Variants in KCNH8 observed in about 807,000 individuals in gnomAD.
KCNH8 encodes voltage-gated delayed rectifier potassium channel KCNH8.
In KCNH8, 70 loss-of-function variants were observed where a neutral mutation model predicts 103.6. The ratio of observed to expected loss-of-function variants is 0.68; its 90% confidence interval spans 0.56 to 0.82. KCNH8 has a LOEUF of 0.82. Among genes scored for constraint, KCNH8 ranks in the 40% least tolerant of loss-of-function variants. The probability of loss-of-function intolerance (pLI) is 0.00; values close to 1 mark genes in which losing one functional copy is unlikely to be tolerated. For missense variants in KCNH8, 1,217 were observed against 1,329.9 expected (o/e 0.92, Z 1.32); for synonymous variants, 498 against 489.4 (o/e 1.02, Z -0.23).
chr3:19,281,407 A>G (rs1466473475), intron 3 of KCNH8, 78 bp downstream of exon 3: 1 of 1,368,452 alleles, frequency 7.3e-7, no homozygotes, highest in Non-Finnish European at 1.0e-6. Context: ...TTGGAGAAAA[A>G]CATGCATTTT....
chr3:19,454,555 A>G (rs1439270499), intron 10 of KCNH8, among the ~76,000 whole-genome samples: 1 of 152,154 alleles, frequency 6.6e-6, no homozygotes, highest in African/African-American at 2.4e-5. Flanking sequence ...GGCTAGCAAC[A>G]GTTTTAGGAA....
At chr3:19,447,520 TTAAAA>T (rs1303639214) in intron 8 of KCNH8, among the ~76,000 whole-genome samples, 1 of 152,042 alleles carries the variant, frequency 6.6e-6, no homozygotes, top group African/African-American at 2.4e-5. Context: ...GAAAGCAGTG[TTAAAA>T]TAAATGAAAC....
chr3:19,205,379 G>C (rs2063704720), intron 1 of KCNH8, among the ~76,000 whole-genome samples: 1 of 151,964 alleles, frequency 6.6e-6, no homozygotes, highest in Non-Finnish European at 1.5e-5. Flanking sequence ...AAATATCCTA[G>C]AGTTACTCTT....
intron 7 of KCNH8, among the ~76,000 whole-genome samples, chr3:19,431,814 GTTCT>G (rs1262068845): frequency 6.6e-6 from 1 of 152,038 alleles, no homozygotes; most frequent in Non-Finnish European, 1.5e-5. Flanking sequence ...TTCTCTCATG[GTTCT>G]TTGTTTTTTC....
intron 11 of KCNH8, among the ~76,000 whole-genome samples, chr3:19,492,594 G>A (rs772358103): frequency 6.6e-6 from 1 of 152,150 alleles, no homozygotes; most frequent in Admixed American, 6.5e-5. Flanking sequence ...GTAGTTACAA[G>A]TCAGGTAGTG....
intron 10 of KCNH8, among the ~76,000 whole-genome samples, chr3:19,456,223 T>A (rs1441248478): frequency 2.0e-5 from 3 of 152,052 alleles, no homozygotes; most frequent in Non-Finnish European, 4.4e-5. Context: ...CTAGTTGTAA[T>A]CTAATAATTT....
At chr3:19,252,553 C>T (rs2064292586) in intron 1 of KCNH8, among the ~76,000 whole-genome samples, 1 of 151,948 alleles carries the variant, frequency 6.6e-6, no homozygotes, top group South Asian at 2.1e-4. Context: ...CCATGCCGGG[C>T]TAATTTTTGT....
chr3:19,288,642 TG>T (rs1158790416), intron 3 of KCNH8, among the ~76,000 whole-genome samples: 1 of 152,234 alleles, frequency 6.6e-6, no homozygotes, highest in Non-Finnish European at 1.5e-5. Context: ...GTTGGACATT[TG>T]GGTTGTTTCC....
intron 11 of KCNH8, among the ~76,000 whole-genome samples, chr3:19,474,453 A>G (rs1174137404): frequency 6.6e-6 from 1 of 152,174 alleles, no homozygotes; most frequent in East Asian, 1.9e-4. Flanking sequence ...AGTGGAGGAA[A>G]CAGCAGCCAA....
Position 19,438,398 on chromosome 3 carries a change from C to G in KCNH8, c.1375+37C>G, listed in dbSNP as rs201967639. The G allele has an allele frequency of 2.5e-3, 3,867 of 1,519,976 alleles. 10 individuals carry two copies. Among genetic ancestry groups the G allele is most frequent in the Non-Finnish European group, 3.2e-3 (3,481 of 1,104,984 alleles). The allele number at this position is 1,519,976 out of a possible 1,614,324, so 94.2% of individuals were successfully genotyped here. ...TCTTCTTTTATACTAAGAAGAGGAA[C>G]TATGCCTACCTAACTGTCACTGCCT... is the stretch of plus-strand genomic sequence containing the variant. On this transcript the variant is annotated intron_variant, in intron 8 of 15. Coordinates refer to ENST00000328405, the MANE Select transcript of KCNH8 (RefSeq NM_144633.3).
chr3:19,353,072 T>C (rs886089879), intron 5 of KCNH8, among the ~76,000 whole-genome samples: 1 of 151,960 alleles, frequency 6.6e-6, no homozygotes, highest in Non-Finnish European at 1.5e-5. Flanking sequence ...ATCCCACAGA[T>C]ATACAAACTA....
intron 11 of KCNH8, among the ~76,000 whole-genome samples, chr3:19,487,619 T>C (rs2068237160): frequency 6.6e-6 from 1 of 152,212 alleles, no homozygotes; most frequent in Admixed American, 6.5e-5. Context: ...GATTATCCTC[T>C]GCCCATATTT....
chr3:19,294,301 C>T (rs1200830116), intron 3 of KCNH8, among the ~76,000 whole-genome samples: 2 of 152,218 alleles, frequency 1.3e-5, no homozygotes, highest in Middle Eastern at 3.4e-3. Context: ...ATTAAATCTA[C>T]GGTGATTGAT....
chr3:19,473,691 G>A (rs1170621491), intron 11 of KCNH8, among the ~76,000 whole-genome samples: 1 of 152,170 alleles, frequency 6.6e-6, no homozygotes, highest in Admixed American at 6.5e-5. Context: ...GGAAATAAAT[G>A]AAAATCTCTT....
At chr3:19,182,764 T>C (rs1267349151) in intron 1 of KCNH8, among the ~76,000 whole-genome samples, 1 of 152,176 alleles carries the variant, frequency 6.6e-6, no homozygotes, top group Non-Finnish European at 1.5e-5. Flanking sequence ...TTCTGCCTTA[T>C]GAGTGAGGGT....
At chr3:19,212,676 C>T (rs966029714) in intron 1 of KCNH8, among the ~76,000 whole-genome samples, 3 of 152,114 alleles carry the variant, frequency 2.0e-5, no homozygotes, top group African/African-American at 4.8e-5. Context: ...AGCTGCACCA[C>T]CTCAGAGTGG....
Position 19,415,346 on chromosome 3 carries a change from G to C in KCNH8, c.1177+20035G>C, listed in dbSNP as rs540369197. 1.8e-4 allele frequency among the ~76,000 whole-genome samples: 27 copies of C among 147,536 alleles called. No individual in the cohort carries two copies. The South Asian group carries it at 5.3e-3, about 29-fold the overall frequency. Reference sequence around the variant, plus strand: ...GTCCTAAATCACAATCACACAGATAGTATACATGAGAGCTGGGATTTCTGT... The same window carrying C: ...GTCCTAAATCACAATCACACAGATACTATACATGAGAGCTGGGATTTCTGT... On this transcript the variant is annotated intron_variant, in intron 7 of 15. Transcript: ENST00000328405.
rs2066494995 is a variant in KCNH8 at position 19,395,089 on chromosome 3, T to C, written c.970-15T>C. 1.2e-6 allele frequency: 2 copies of C among 1,600,916 alleles called. No homozygotes were observed. Among genetic ancestry groups the C allele is most frequent in the African/African-American group, 1.3e-5 (1 of 74,670 alleles). On this transcript the variant is annotated splice_polypyrimidine_tract_variant and intron_variant, in intron 6 of 15. Transcript: ENST00000328405. Reference sequence around the variant, plus strand: ...ACACATGCACCAAGTTGTGCTGCTCTGTCTCTTACCACAGGTGTCTCTCGT... The same window carrying C: ...ACACATGCACCAAGTTGTGCTGCTCCGTCTCTTACCACAGGTGTCTCTCGT...
intron 2 of KCNH8, among the ~76,000 whole-genome samples, chr3:19,258,924 T>G (rs1162836375): frequency 1.9e-4 from 15 of 78,064 alleles, no homozygotes; most frequent in Non-Finnish European, 2.9e-4. Context: ...TCTCTCTCTC[T>G]CTCTCTCTCT....
Sources: allele counts gnomAD v4.1 joint callset (sites outside exome capture counted in the v4.1 genomes callset), GRCh38; gene constraint gnomAD v4.1.1; transcripts MANE v1.5; gene names NCBI Gene and HGNC (gene_info 2026-07-23, HGNC 2026-07-21).